COL11A1: variants seen among roughly 807,000 people sequenced by gnomAD.
COL11A1 encodes collagen type XI alpha 1 chain.
COL11A1 carries 74 observed loss-of-function variants against 265.2 expected under a neutral mutation model. The ratio of observed to expected loss-of-function variants is 0.28; its 90% CI spans 0.23 to 0.34. The LOEUF is 0.34. COL11A1 is among the 10% of genes least tolerant of loss of function. COL11A1 has a pLI of 1.00. For synonymous variants in COL11A1, 816 were observed against 727.6 expected (o/e 1.12, Z -1.96); for missense variants, 2,165 against 2,263.6 (o/e 0.96, Z 0.88).
chr1:103,051,687 T>C (rs548240495), intron 4 of COL11A1, among the ~76,000 whole-genome samples: 23 of 152,338 alleles, frequency 1.5e-4, no homozygotes, highest in African/African-American at 5.5e-4. Flanking sequence ...ACCTGTCTTC[T>C]GCATCGCTCA....
chr1:102,947,653 G>T (rs543516754), intron 41 of COL11A1, among the ~76,000 whole-genome samples: 2 of 151,696 alleles, frequency 1.3e-5, no homozygotes, highest in Non-Finnish European at 2.9e-5. Context: ...CTTTTAACTA[G>T]TTTGCTTTTT....
chr1:102,936,988 G>T (rs1658211972), intron 44 of COL11A1, among the ~76,000 whole-genome samples: 1 of 152,098 alleles, frequency 6.6e-6, no homozygotes, highest in Non-Finnish European at 1.5e-5. Flanking sequence ...GGCTGAACTA[G>T]ATATGAGAAT....
intron 7 of COL11A1, among the ~76,000 whole-genome samples, chr1:103,023,382 T>TTTTTTTTTA (rs71592256): frequency 6.6e-6 from 1 of 151,740 alleles, no homozygotes; most frequent in Non-Finnish European, 1.5e-5. Flanking sequence ...TTTTTTTTTT[T>TTTTTTTTTA]GAGATGGATG....
Position 102,879,901 on chromosome 1 carries a change from C to T in COL11A1, c.5056G>A (p.Val1686Ile). The T allele has an allele frequency of 6.2e-7, 1 of 1,609,686 alleles. No individual in the cohort carries two copies. The highest frequency in any genetic ancestry group is 1.3e-5 in the African/African-American group (1 of 74,930). The change falls in exon 66 of 67, where the codon GTT (valine) becomes ATT (isoleucine). Residue 1686 changes from valine (V) to isoleucine (I), a missense_variant. Physicochemically the swap from Val to Ile is conservative, Grantham distance 29. Transcript: ENST00000370096. ...ACCATATTGATGGAATTTCCTTCAA[C>T]ATCTAAGTATGAAAGCTAGGAATAA... ...KRGKLLSYLDVEGNSINMVQM... is the reference protein window; with the variant it reads ...KRGKLLSYLDIEGNSINMVQM...
In COL11A1 at chr1:102,910,730, T is replaced by A. The variant is rs139476686; in HGVS notation, c.4086+1429A>T. On this transcript the variant is annotated intron_variant, in intron 54 of 66. Transcript: ENST00000370096. The stretch of plus-strand genomic sequence containing the variant: ...ATGTTCAACCCAACACTAGGGTGGG[T>A]GTTAGGTCCTCTGAGAAACAGAAAA... 3.3e-5 allele frequency among the ~76,000 whole-genome samples: 5 copies of A among 152,226 alleles called. No individual in the cohort carries two copies. The East Asian group carries it at 9.7e-4, about 29-fold the overall frequency.
rs567534821 is a variant in COL11A1 at position 102,901,117 on chromosome 1, C to T, written c.4087-2123G>A. Reference sequence around the variant, plus strand: ...GGCGGATCGCCTCAGGCCAGGAGTTCGAGACCAGCTGGGCCAACACAGTGA... The same window carrying T: ...GGCGGATCGCCTCAGGCCAGGAGTTTGAGACCAGCTGGGCCAACACAGTGA... On this transcript the variant is annotated intron_variant, in intron 54 of 66. Transcript: ENST00000370096. 8.6e-5 allele frequency among the ~76,000 whole-genome samples: 13 copies of T among 151,956 alleles called. No individual in the cohort carries two copies. The East Asian group carries it at 1.9e-3, about 23-fold the overall frequency.
chr1:102,907,797 T>C (rs1654170086), intron 54 of COL11A1, among the ~76,000 whole-genome samples: 1 of 152,074 alleles, frequency 6.6e-6, no homozygotes, highest in African/African-American at 2.4e-5. Flanking sequence ...ATACAAAATT[T>C]TAGTTTATTA....
intron 4 of COL11A1, among the ~76,000 whole-genome samples, chr1:103,032,680 T>C (rs1272651792): frequency 6.6e-6 from 1 of 152,134 alleles, no homozygotes; most frequent in Non-Finnish European, 1.5e-5. Flanking sequence ...CTGTGGTTAC[T>C]ACCTGTGGTG....
chr1:103,091,268 C>T (rs761764193), intron 1 of COL11A1, among the ~76,000 whole-genome samples: 1 of 151,982 alleles, frequency 6.6e-6, no homozygotes, highest in Non-Finnish European at 1.5e-5. Flanking sequence ...ATATATTCCA[C>T]ATACCAACCA....
chr1:102,923,472 A>G (rs1324134169), intron 46 of COL11A1, 83 bp from the exon 47 acceptor site: 3 of 1,049,688 alleles, frequency 2.9e-6, no homozygotes, highest in Non-Finnish European at 4.2e-6. Context: ...GATAAAATCA[A>G]GTATAAAGTT....
intron 48 of COL11A1, 136 bp downstream of exon 48, chr1:102,921,382 A>C: frequency 1.6e-6 from 1 of 641,150 alleles, no homozygotes; most frequent in Admixed American, 2.9e-5. Flanking sequence ...TGGAGTGAAT[A>C]GGTGACCCTT....
At chr1:102,997,352 C>T (rs374048369) in intron 25 of COL11A1, among the ~76,000 whole-genome samples, 2 of 151,892 alleles carry the variant, frequency 1.3e-5, no homozygotes, top group South Asian at 2.1e-4. Context: ...TCTTCAAATA[C>T]ATAATGCATT....
At chr1:103,001,144 A>G in intron 24 of COL11A1, 1 of 397,694 alleles carries the variant, frequency 2.5e-6, no homozygotes, top group Non-Finnish European at 4.4e-6. Flanking sequence ...ACTGAATATT[A>G]ACACGAGGAT....
intron 42 of COL11A1, among the ~76,000 whole-genome samples, chr1:102,941,608 C>T (rs527499445): frequency 6.6e-6 from 1 of 152,136 alleles, no homozygotes; most frequent in Non-Finnish European, 1.5e-5. Flanking sequence ...ATTGCCTGAG[C>T]ACATTTTTTT....
chr1:103,044,599 G>A (rs1669100686), intron 4 of COL11A1, among the ~76,000 whole-genome samples: 1 of 152,014 alleles, frequency 6.6e-6, no homozygotes, highest in South Asian at 2.1e-4. Flanking sequence ...TGGCTCTATT[G>A]CATCAAATAA....
At chr1:102,908,733 T>C (rs1009367526) in intron 54 of COL11A1, among the ~76,000 whole-genome samples, 1 of 152,076 alleles carries the variant, frequency 6.6e-6, no homozygotes, top group African/African-American at 2.4e-5. Flanking sequence ...TGCCTATATA[T>C]CTATATAAAA....
At chr1:103,050,434 C>T (rs900743570) in intron 4 of COL11A1, among the ~76,000 whole-genome samples, 2 of 152,144 alleles carry the variant, frequency 1.3e-5, no homozygotes, top group African/African-American at 2.4e-5. Flanking sequence ...GTTCTCGTGC[C>T]TTGGTTTTCA....
At chr1:103,017,922 C>A (rs776327310) in intron 10 of COL11A1, 40 bp from the exon 11 acceptor site, 2 of 1,476,262 alleles carry the variant, frequency 1.4e-6, no homozygotes, top group East Asian at 4.5e-5. Flanking sequence ...GATTCCTAAT[C>A]TCATTAATAT....
intron 46 of COL11A1, among the ~76,000 whole-genome samples, chr1:102,930,568 C>T (rs1283889346): frequency 6.6e-6 from 1 of 152,130 alleles, no homozygotes; most frequent in Non-Finnish European, 1.5e-5. Flanking sequence ...TTGGTTGTGT[C>T]TCTGCCCGGC....
Sources: gnomAD v4.1 joint callset for allele counts (sites outside exome capture counted in the v4.1 genomes callset) on GRCh38, gnomAD v4.1.1 for gene constraint, MANE v1.5 for transcripts, NCBI Gene and HGNC (gene_info 2026-07-23, HGNC 2026-07-21) for gene names.